AMPH: variants seen among roughly 807,000 people sequenced by gnomAD.
AMPH encodes the protein amphiphysin (Stiff-Mann syndrome with breast cancer 128kD autoantigen).
AMPH carries 49 observed loss-of-function variants against 99.1 expected under a neutral mutation model. The observed-to-expected ratio is 0.49, with a 90% CI of 0.39 to 0.63. AMPH has a LOEUF of 0.63. Ranked by LOEUF, AMPH falls within the 20% of genes least tolerant of loss-of-function variation. The pLI, the probability that AMPH is intolerant of heterozygous loss-of-function variation, is 0.00. For synonymous variants in AMPH, 314 were observed against 317.3 expected (o/e 0.99, Z 0.11); for missense variants, 759 against 863.4 (o/e 0.88, Z 1.52).
At position 38,407,021 on chromosome 7, in the gene AMPH, C is replaced by CCTCTCTCTCTCTCTCTCTCT. The variant is rs71558121; in HGVS notation, c.1398+10784_1398+10803dup. Among the ~76,000 whole-genome samples, 25 of 3,704 alleles carry CCTCTCTCTCTCTCTCTCTCT rather than the reference C, an allele frequency of 6.7e-3. 6 individuals are homozygous for CCTCTCTCTCTCTCTCTCTCT. The highest frequency in any genetic ancestry group is 0.12 in the Middle Eastern group (1 of 8). 2.4% of individuals were successfully genotyped at this position (3,704 alleles called of 152,430 possible). A position where few individuals can be genotyped will look rare whatever the true frequency, so the allele number is the denominator to read the frequency against. The stretch of plus-strand genomic sequence containing the variant: ...ATAAGCCAATTTTCCCTAATAGACT[C>CCTCTCTCTCTCTCTCTCTCT]CTCTCTCTCTCTCTCTCTCTCTCTC... On this transcript the variant is annotated intron_variant, in intron 17 of 20. Coordinates refer to ENST00000356264, the MANE Select transcript of AMPH (RefSeq NM_001635.4).
At chr7:38,471,526 A>G (rs184665102) in intron 7 of AMPH, among the ~76,000 whole-genome samples, 3 of 152,212 alleles carry the variant, frequency 2.0e-5, no homozygotes, top group African/African-American at 4.8e-5. Flanking sequence ...CAAAAATTTG[A>G]AAGTTTTCTA....
intron 1 of AMPH, among the ~76,000 whole-genome samples, chr7:38,598,241 C>T (rs7811508): frequency 0.37 from 56,707 of 151,996 alleles, 10,767 homozygotes; most frequent in Non-Finnish European, 0.4. Context: ...TACTTGTGTT[C>T]GCAATGTTTT....
intron 11 of AMPH, among the ~76,000 whole-genome samples, chr7:38,446,263 A>G (rs79881241): frequency 0.11 from 16,927 of 152,278 alleles, 1,339 homozygotes; most frequent in East Asian, 0.28. Context: ...AATTTTTTAA[A>G]AAATTAAATT....
At chr7:38,505,102 AT>A (rs1390440167) in intron 2 of AMPH, among the ~76,000 whole-genome samples, 1 of 152,262 alleles carries the variant, frequency 6.6e-6, no homozygotes, top group Non-Finnish European at 1.5e-5. Flanking sequence ...ACTGCAAGGC[AT>A]ATTACATTTA....
At chr7:38,495,639 T>C (rs777368009) in intron 3 of AMPH, among the ~76,000 whole-genome samples, 21 of 151,622 alleles carry the variant, frequency 1.4e-4, no homozygotes, top group Non-Finnish European at 2.9e-4. Flanking sequence ...AACAAAATGA[T>C]GTTGAATGAA....
At chr7:38,485,003 A>T (rs576827476) in intron 5 of AMPH, among the ~76,000 whole-genome samples, 1 of 152,096 alleles carries the variant, frequency 6.6e-6, no homozygotes, top group East Asian at 1.9e-4. Flanking sequence ...AAAAAATCAA[A>T]GCATATCAAT....
intron 5 of AMPH, among the ~76,000 whole-genome samples, chr7:38,488,212 G>A (rs1788584826): frequency 6.6e-6 from 1 of 152,094 alleles, no homozygotes; most frequent in South Asian, 2.1e-4. Flanking sequence ...CTACAATAAA[G>A]ACACATGCAC....
intron 11 of AMPH, among the ~76,000 whole-genome samples, chr7:38,438,986 A>G (rs1786398030): frequency 6.6e-6 from 1 of 152,190 alleles, no homozygotes; most frequent in East Asian, 1.9e-4. Flanking sequence ...TGGTCAAGGG[A>G]GGAACCTGGT....
intron 2 of AMPH, among the ~76,000 whole-genome samples, chr7:38,531,641 AAAGC>A (rs1239958999): frequency 1.3e-5 from 2 of 152,332 alleles, no homozygotes; most frequent in East Asian, 3.9e-4. Context: ...AAGGAATCTA[AAAGC>A]AAGATAACTG....
intron 12 of AMPH, 75 bp from the exon 13 acceptor site, chr7:38,432,287 T>G: frequency 7.3e-7 from 1 of 1,362,686 alleles, no homozygotes; most frequent in Non-Finnish European, 1.0e-6. Flanking sequence ...TGACAAAAGT[T>G]CTTGAAATCA....
chr7:38,580,985 T>C (rs1158471244), intron 1 of AMPH, among the ~76,000 whole-genome samples: 1 of 152,230 alleles, frequency 6.6e-6, no homozygotes, highest in African/African-American at 2.4e-5. Context: ...GATATGTTTA[T>C]AAATTATTTC....
At chr7:38,441,790 C>CATATATATG (rs1230793392) in intron 11 of AMPH, among the ~76,000 whole-genome samples, 6,730 of 66,886 alleles carry the variant, frequency 0.1, 988 homozygotes, top group Middle Eastern at 0.23. Context: ...ATATATCTGT[C>CATATATATG]ATATATATCA....
intron 11 of AMPH, among the ~76,000 whole-genome samples, chr7:38,446,473 T>C (rs1290915353): frequency 7.4e-6 from 1 of 135,702 alleles, no homozygotes; most frequent in Non-Finnish European, 1.5e-5. Context: ...TAAGGAGGAA[T>C]GATATGTGCT....
At chr7:38,612,356 A>G (rs780944923) in intron 1 of AMPH, among the ~76,000 whole-genome samples, 21 of 152,150 alleles carry the variant, frequency 1.4e-4, no homozygotes, top group Non-Finnish European at 2.6e-4. Context: ...GATTACAGGC[A>G]TGAACCACCG....
chr7:38,567,138 C>A (rs563305981), intron 1 of AMPH, among the ~76,000 whole-genome samples: 4 of 152,086 alleles, frequency 2.6e-5, no homozygotes, highest in Non-Finnish European at 5.9e-5. Flanking sequence ...TGGAACCAAC[C>A]GAAATGCTCA....
intron 1 of AMPH, among the ~76,000 whole-genome samples, chr7:38,584,534 C>A (rs73126128): frequency 0.1 from 15,376 of 152,156 alleles, 987 homozygotes; most frequent in East Asian, 0.25. Context: ...GGGGATGTCC[C>A]CTGAAGGCAG....
chr7:38,521,275 C>T (rs779852421), intron 2 of AMPH, among the ~76,000 whole-genome samples: 13 of 152,156 alleles, frequency 8.5e-5, no homozygotes, highest in Non-Finnish European at 1.9e-4. Flanking sequence ...AATCCTAGCA[C>T]TTTGGGAGGC....
intron 2 of AMPH, among the ~76,000 whole-genome samples, chr7:38,530,024 C>T (rs925910627): frequency 5.9e-5 from 9 of 151,992 alleles, no homozygotes; most frequent in Non-Finnish European, 1.0e-4. Context: ...GTCACGAAAC[C>T]GCTTGCAAAA....
intron 1 of AMPH, among the ~76,000 whole-genome samples, chr7:38,585,984 C>T (rs1477585654): frequency 6.6e-6 from 1 of 152,188 alleles, no homozygotes; most frequent in Non-Finnish European, 1.5e-5. Flanking sequence ...ATAACTTTCA[C>T]ACATTTCTTT....
Sources: allele counts gnomAD v4.1 joint callset (sites outside exome capture counted in the v4.1 genomes callset), GRCh38; gene constraint gnomAD v4.1.1; transcripts MANE v1.5; gene names NCBI Gene and HGNC (gene_info 2026-07-23, HGNC 2026-07-21).